The following EYA2 variants were observed in gnomAD, a reference collection of about 807,000 sequenced individuals.
EYA2 encodes the protein EYA transcriptional coactivator and phosphatase 2.
Under a neutral mutation model 69.2 loss-of-function variants are expected in EYA2, and 31 were observed. That is an observed-to-expected ratio of 0.45 (90% CI 0.34 to 0.60). The LOEUF is 0.60. EYA2 is among the 20% of genes least tolerant of loss of function. EYA2 has a pLI of 0.02. For synonymous variants in EYA2, 257 were observed against 279.4 expected (o/e 0.92, Z 0.80); for missense variants, 622 against 701.2 (o/e 0.89, Z 1.28).
intron 4 of EYA2, among the ~76,000 whole-genome samples, chr20:47,011,327 A>G (rs568430484): frequency 7.8e-4 from 119 of 152,256 alleles, no homozygotes; most frequent in African/African-American, 2.7e-3. Context: ...GCTGATCCAA[A>G]TTCACATCAC....
At chr20:47,131,741 C>G (rs1361663176) in intron 9 of EYA2, among the ~76,000 whole-genome samples, 1 of 152,192 alleles carries the variant, frequency 6.6e-6, no homozygotes, top group Non-Finnish European at 1.5e-5. Context: ...TCCTCTGAAG[C>G]CTTCAAAGGA....
intron 5 of EYA2, among the ~76,000 whole-genome samples, chr20:47,044,155 A>G (rs551522797): frequency 1.3e-5 from 2 of 152,294 alleles, no homozygotes; most frequent in African/African-American, 4.8e-5. Flanking sequence ...ATTCACATCA[A>G]AGTCATCATA....
At chr20:47,183,198 C>A in intron 14 of EYA2, 93 bp from the exon 15 acceptor site, 1 of 1,170,840 alleles carries the variant, frequency 8.5e-7, no homozygotes, top group Non-Finnish European at 1.2e-6. Context: ...TTTGGGAGCA[C>A]AGCTGCAGGC....
At chr20:47,185,627 G>A (rs2034625034) in intron 15 of EYA2, among the ~76,000 whole-genome samples, 1 of 152,132 alleles carries the variant, frequency 6.6e-6, no homozygotes, top group Non-Finnish European at 1.5e-5. Flanking sequence ...AAGAGGGCAG[G>A]ATTGGCCAGG....
chr20:47,166,031 C>CA (rs960706764), intron 10 of EYA2, among the ~76,000 whole-genome samples: 1 of 151,076 alleles, frequency 6.6e-6, no homozygotes, highest in Non-Finnish European at 1.5e-5. Flanking sequence ...CTCTATTTTT[C>CA]AAAAAAAGAA....
At chr20:46,902,228 C>T (rs1359405281) in intron 1 of EYA2, among the ~76,000 whole-genome samples, 1 of 152,026 alleles carries the variant, frequency 6.6e-6, no homozygotes, top group East Asian at 1.9e-4. Flanking sequence ...TGCTGTCATT[C>T]CTTTGTGCTT....
intron 3 of EYA2, among the ~76,000 whole-genome samples, chr20:47,003,978 T>G (rs1041531019): frequency 5.9e-5 from 9 of 152,212 alleles, no homozygotes; most frequent in African/African-American, 2.2e-4. Context: ...ACATACCAGG[T>G]GCATGTGACA....
Position 47,074,256 on chromosome 20 carries a change from T to C in EYA2, c.582T>C (p.Pro194=), listed in dbSNP as rs2031426807. The C allele has an allele frequency of 1.2e-6, 2 of 1,614,004 alleles. No homozygotes were observed. Among genetic ancestry groups the C allele is most frequent in the Admixed American group, 1.7e-5 (1 of 59,988 alleles). Residue 194 remains proline (P), a synonymous_variant, in exon 7 of 16, where the codon CCT becomes CCC. Transcript: ENST00000327619. Reference sequence around the variant, plus strand: ...ACGTCCCGGCCAGCAGCATCTGCCCTTCGCCCCTCTCCACGTCCACCTACG... The same window carrying C: ...ACGTCCCGGCCAGCAGCATCTGCCCCTCGCCCCTCTCCACGTCCACCTACG... ...PPYVPASSIC[P]SPLSTSTYVL...
intron 1 of EYA2, among the ~76,000 whole-genome samples, chr20:46,926,945 A>G (rs1985440949): frequency 6.6e-6 from 1 of 152,134 alleles, no homozygotes; most frequent in African/African-American, 2.4e-5. Context: ...AGCAGGTGCC[A>G]TGGGGTACCT....
chr20:47,127,408 A>C lies in EYA2; in HGVS notation c.889-15651A>C, dbSNP rs142456889. On this transcript the variant is annotated intron_variant, in intron 9 of 15. Transcript: ENST00000327619. ...CACCTGAGGTCAGGAGTTCGAGACC[A>C]GCCTGGCCAACATGGTGAAATCCCA... is the stretch of plus-strand genomic sequence containing the variant. 5.3e-3 allele frequency among the ~76,000 whole-genome samples: 801 copies of C among 152,340 alleles called. 14 individuals are homozygous for C. Among genetic ancestry groups the C allele is most frequent in the African/African-American group, 0.018 (755 of 41,570 alleles).
intron 4 of EYA2, among the ~76,000 whole-genome samples, chr20:47,007,358 G>T (rs1331821212): frequency 6.6e-6 from 1 of 152,216 alleles, no homozygotes; most frequent in Non-Finnish European, 1.5e-5. Flanking sequence ...GCTGAGAACT[G>T]AGAGATAGCC....
intron 1 of EYA2, among the ~76,000 whole-genome samples, chr20:46,970,703 G>C (rs1003086963): frequency 6.6e-6 from 1 of 152,130 alleles, no homozygotes; most frequent in African/African-American, 2.4e-5. Flanking sequence ...AGAAGAAGCA[G>C]GCGGCTCCAT....
chr20:47,011,785 A>G (rs1368684921), intron 4 of EYA2, among the ~76,000 whole-genome samples: 2 of 151,946 alleles, frequency 1.3e-5, no homozygotes, highest in Non-Finnish European at 2.9e-5. Context: ...CAACTTTGCT[A>G]CCTCCTTCCC....
At chr20:47,183,144 C>A in intron 14 of EYA2, 147 bp from the exon 15 acceptor site, 1 of 698,292 alleles carries the variant, frequency 1.4e-6, no homozygotes, top group Non-Finnish European at 2.5e-6. Context: ...TAACAGGGCT[C>A]ACCTCAGAAG....
At chr20:47,170,418 G>A (rs141013605) in intron 11 of EYA2, among the ~76,000 whole-genome samples, 3,043 of 151,596 alleles carry the variant, frequency 0.02, 122 homozygotes, top group African/African-American at 0.069. Flanking sequence ...AGGCCAAGGC[G>A]CAAGGATCAC....
intron 14 of EYA2, 98 bp downstream of exon 14, chr20:47,181,034 A>G (rs2034528124): frequency 6.7e-7 from 1 of 1,493,216 alleles, no homozygotes; most frequent in Non-Finnish European, 9.1e-7. Flanking sequence ...GACACCACAG[A>G]AATGGATGGA....
chr20:47,001,511 C>A, intron 3 of EYA2, 38 bp downstream of exon 3: 1 of 1,606,444 alleles, frequency 6.2e-7, no homozygotes, highest in Non-Finnish European at 8.5e-7. Flanking sequence ...CACATGCCCA[C>A]CTTTTCTTCT....
intron 9 of EYA2, among the ~76,000 whole-genome samples, chr20:47,141,863 A>C (rs1214701696): frequency 6.6e-6 from 1 of 152,204 alleles, no homozygotes; most frequent in Non-Finnish European, 1.5e-5. Context: ...TCTAAGTAAC[A>C]TGCGTATGTG....
chr20:47,016,893 C>G (rs1049797039), intron 5 of EYA2, among the ~76,000 whole-genome samples: 3 of 152,134 alleles, frequency 2.0e-5, no homozygotes, highest in African/African-American at 7.2e-5. Flanking sequence ...AAGGAGTTTG[C>G]TTGTATTTTA....
Sources: allele counts gnomAD v4.1 joint callset (sites outside exome capture counted in the v4.1 genomes callset), GRCh38; gene constraint gnomAD v4.1.1; transcripts MANE v1.5; gene names NCBI Gene and HGNC (gene_info 2026-07-23, HGNC 2026-07-21).